The following RPS6KA2 variants were observed in gnomAD, a reference collection of about 807,000 sequenced individuals.
RPS6KA2 encodes ribosomal protein S6 kinase A2.
RPS6KA2 carries 42 observed loss-of-function variants against 91.8 expected under a neutral mutation model. The observed-to-expected ratio is 0.46, with a 90% CI of 0.36 to 0.59. RPS6KA2 has a LOEUF of 0.59. Ranked by LOEUF, RPS6KA2 falls within the 20% of genes least tolerant of loss-of-function variation. The pLI, the probability that RPS6KA2 is intolerant of heterozygous loss-of-function variation, is 0.00. For missense variants in RPS6KA2, 798 were observed against 978.5 expected (o/e 0.82, Z 2.46); for synonymous variants, 414 against 393.6 (o/e 1.05, Z -0.61).
At chr6:166,480,165 C>T (rs1781138184) in intron 10 of RPS6KA2, among the ~76,000 whole-genome samples, 1 of 152,070 alleles carries the variant, frequency 6.6e-6, no homozygotes, top group Non-Finnish European at 1.5e-5. Context: ...GAAAAACACA[C>T]CCCTTCACCC....
In RPS6KA2 at chr6:166,745,716, G is replaced by GTGCA. The variant is rs545153082; in HGVS notation, c.123+112483_123+112484insTGCA. 1.5e-3 allele frequency among the ~76,000 whole-genome samples: 232 copies of GTGCA among 152,344 alleles called. 1 individual carries two copies. Among genetic ancestry groups the GTGCA allele is most frequent in the African/African-American group, 5.4e-3 (226 of 41,580 alleles). ...AGTGCCTGGGCGCTGCGGCAAAAATGCTGAGAGCTGGCAGCTCCACGTGCA... is the reference window on the plus strand; with the variant it reads ...AGTGCCTGGGCGCTGCGGCAAAAATGTGCACTGAGAGCTGGCAGCTCCACGTGCA... On this transcript the variant is annotated intron_variant, in intron 2 of 21. Transcript: ENST00000503859.
At chr6:166,783,820 ACATATGCACACGTGCACACCTATCTATAC>A (rs1778844045) in intron 2 of RPS6KA2, among the ~76,000 whole-genome samples, 1 of 86,230 alleles carries the variant, frequency 1.2e-5, no homozygotes, top group South Asian at 3.6e-4. Flanking sequence ...ACCTGTAACC[ACATATGCACACGTGCACACCTATCTATAC>A]CACATATGCA....
chr6:166,812,613 C>T (rs879662333), intron 2 of RPS6KA2, among the ~76,000 whole-genome samples: 2 of 152,132 alleles, frequency 1.3e-5, no homozygotes, highest in Non-Finnish European at 2.9e-5. Flanking sequence ...CTCCCATACC[C>T]GTGGCCACGT....
chr6:166,474,969 C>T (rs757969834), intron 10 of RPS6KA2, among the ~76,000 whole-genome samples: 7 of 152,200 alleles, frequency 4.6e-5, no homozygotes, highest in Non-Finnish European at 1.0e-4. Flanking sequence ...GGGTGCAGTG[C>T]CGAGGGCGCT....
At chr6:166,837,219 G>A (rs887901502) in intron 2 of RPS6KA2, among the ~76,000 whole-genome samples, 21 of 152,236 alleles carry the variant, frequency 1.4e-4, no homozygotes, top group Admixed American at 2.6e-4. Flanking sequence ...GTCTGGGGTG[G>A]GAGGGCGCCC....
At position 166,413,654 on chromosome 6, in the gene RPS6KA2, G is replaced by A. The variant is rs963452705; in HGVS notation, c.2076+140C>T. ...TGTCTGGTGAAGTGCACGAAGGTAG[G>A]TGGGCCGGCGGTGCAGTTTGGGGCT... is the stretch of plus-strand genomic sequence containing the variant. On this transcript the variant is annotated intron_variant, in intron 20 of 20. Transcript: ENST00000265678. 9 of 782,038 alleles carry A rather than the reference G, an allele frequency of 1.2e-5. No homozygotes were observed. In the African/African-American group the frequency reaches 1.6e-4, roughly 14 times the overall value. 48.4% of individuals were successfully genotyped at this position (782,038 alleles called of 1,614,324 possible).
rs886091425 is a variant in RPS6KA2 at position 166,627,244 on chromosome 6, C to T, written c.-225G>A. 2 of 1,017,994 alleles carry T rather than the reference C, an allele frequency of 2.0e-6. No individual in the cohort carries two copies. Among genetic ancestry groups the T allele is most frequent in the East Asian group, 1.9e-4 (2 of 10,306 alleles). The allele number at this position is 1,017,994 out of a possible 1,614,324, so 63.1% of individuals were successfully genotyped here. ...CCCTCCGCCTCCTTCTCCGCCTCCC[C>T]TGCGAGTACCAGCGCCGGCCACGCG... On this transcript the variant is annotated 5_prime_UTR_variant, in exon 1 of 21. Coordinates refer to ENST00000265678, the MANE Select transcript of RPS6KA2 (RefSeq NM_021135.6).
chr6:166,848,602 G>C (rs1780662212), intron 2 of RPS6KA2, among the ~76,000 whole-genome samples: 1 of 152,220 alleles, frequency 6.6e-6, no homozygotes, highest in Non-Finnish European at 1.5e-5. Flanking sequence ...GGCATTCACT[G>C]CAACCTGGAT....
chr6:166,806,431 T>A (rs1025048555), intron 2 of RPS6KA2, among the ~76,000 whole-genome samples: 2 of 152,210 alleles, frequency 1.3e-5, no homozygotes, highest in Admixed American at 6.5e-5. Context: ...AGCAGATTTC[T>A]CATCAAAAAC....
intron 12 of RPS6KA2, among the ~76,000 whole-genome samples, chr6:166,454,848 A>G (rs1276908040): frequency 1.3e-5 from 2 of 150,918 alleles, no homozygotes; most frequent in Non-Finnish European, 2.9e-5. Flanking sequence ...AATATATTTT[A>G]ATATATTTAA....
chr6:166,669,392 C>T (rs1788411153), intron 2 of RPS6KA2, among the ~76,000 whole-genome samples: 1 of 152,176 alleles, frequency 6.6e-6, no homozygotes, highest in Non-Finnish European at 1.5e-5. Flanking sequence ...GGGTTTGGAG[C>T]TGAGAGAGGA....
chr6:166,427,454 C>A (rs1778965148), intron 16 of RPS6KA2, among the ~76,000 whole-genome samples: 1 of 151,720 alleles, frequency 6.6e-6, no homozygotes. Context: ...CTGGCCAGGG[C>A]AATTAGGCAG....
At chr6:166,550,910 G>A (rs547377657) in intron 1 of RPS6KA2, among the ~76,000 whole-genome samples, 80 of 149,842 alleles carry the variant, frequency 5.3e-4, no homozygotes, top group Admixed American at 2.7e-3. Flanking sequence ...CTGAGGCAGC[G>A]GAATCGCTTG....
intron 10 of RPS6KA2, among the ~76,000 whole-genome samples, chr6:166,483,799 CAAGCCCTT>C (rs1781317899): frequency 6.6e-6 from 1 of 152,216 alleles, no homozygotes; most frequent in Non-Finnish European, 1.5e-5. Flanking sequence ...GGTCCCGGGA[CAAGCCCTT>C]GTACCTTGGA....
chr6:166,523,692 A>G (rs1782932240), intron 3 of RPS6KA2, among the ~76,000 whole-genome samples: 1 of 152,250 alleles, frequency 6.6e-6, no homozygotes, highest in African/African-American at 2.4e-5. Context: ...ATCAAATGAC[A>G]TAAATGAATT....
At chr6:166,516,622 C>A (rs73788006) in intron 3 of RPS6KA2, among the ~76,000 whole-genome samples, 11 of 152,212 alleles carry the variant, frequency 7.2e-5, no homozygotes, top group Non-Finnish European at 1.6e-4. Flanking sequence ...GGCTCTGCCA[C>A]GCCCTAGACT....
In RPS6KA2 at chr6:166,799,594, T is replaced by G. The variant is rs1294480387; in HGVS notation, c.123+58606A>C. Among the ~76,000 whole-genome samples the G allele has an allele frequency of 5.7e-3, 9 of 1,580 alleles. No homozygotes were observed. The Non-Finnish European group carries it at 0.15, about 27-fold the overall frequency. The allele number at this position is 1,580 out of a possible 152,430, so 1.0% of individuals were successfully genotyped here. On this transcript the variant is annotated intron_variant, in intron 2 of 21. Transcript: ENST00000503859. ...GCTCAGAAGGAAAGCATTTTCATGTTTTTTTTTTTTTTAAAAGGATGAGAG... is the reference window on the plus strand; with the variant it reads ...GCTCAGAAGGAAAGCATTTTCATGTGTTTTTTTTTTTTAAAAGGATGAGAG...
At chr6:166,807,165 T>C (rs1213836827) in intron 2 of RPS6KA2, among the ~76,000 whole-genome samples, 8 of 152,176 alleles carry the variant, frequency 5.3e-5, no homozygotes, top group African/African-American at 7.2e-5. Flanking sequence ...TCACTTTAAA[T>C]GTAAATGGAT....
rs1316931761 is a variant in RPS6KA2 at position 166,497,802 on chromosome 6, A to G, written c.747+706T>C. 2.6e-5 allele frequency among the ~76,000 whole-genome samples: 4 copies of G among 152,228 alleles called. No homozygotes were observed. The East Asian group carries it at 7.7e-4, about 29-fold the overall frequency. ...CGGAGCAACCTTCATCCCGTCTCCTAAAGTGCTCATGGCCTCAGTTTCCTC... is the reference window on the plus strand; with the variant it reads ...CGGAGCAACCTTCATCCCGTCTCCTGAAGTGCTCATGGCCTCAGTTTCCTC... On this transcript the variant is annotated intron_variant, in intron 8 of 20. Coordinates refer to ENST00000265678, the MANE Select transcript of RPS6KA2 (RefSeq NM_021135.6).
Sources: allele counts gnomAD v4.1 joint callset (sites outside exome capture counted in the v4.1 genomes callset), GRCh38; gene constraint gnomAD v4.1.1; transcripts MANE v1.5; gene names NCBI Gene and HGNC (gene_info 2026-07-23, HGNC 2026-07-21).